MTMR10: variants seen among roughly 807,000 people sequenced by gnomAD.
MTMR10 encodes myotubularin-related protein 10.
In MTMR10, 56 loss-of-function variants were observed where a neutral mutation model predicts 88.1. The observed-to-expected ratio is 0.64, with a 90% confidence interval of 0.51 to 0.79. The LOEUF is 0.79. Ranked by LOEUF, MTMR10 falls within the 30% of genes least tolerant of loss-of-function variation. The pLI is 0.00. For synonymous variants in MTMR10, 380 were observed against 340.9 expected, an observed-to-expected ratio of 1.11 and a Z score of -1.26; for missense variants, 883 against 924.7, an observed-to-expected ratio of 0.95 and a Z score of 0.58.
intron 12 of MTMR10, chr15:30,950,426 T>G (rs1277409615): frequency 1.3e-5 from 2 of 152,012 alleles, no homozygotes; most frequent in Non-Finnish European, 2.9e-5. Context: ...TCCTAGCACT[T>G]TGGGAGGCTG....
the MTMR10 span, chr15:30,927,709 G>T: frequency 1.0e-6 from 1 of 985,622 alleles, no homozygotes; most frequent in East Asian, 1.1e-4. Flanking sequence ...GTGGTCTTGT[G>T]GGGAGAGGCA....
At chr15:30,977,533 A>C (rs1006744817) in intron 2 of MTMR10, among the ~76,000 whole-genome samples, 1 of 152,218 alleles carries the variant, frequency 6.6e-6, no homozygotes, top group Non-Finnish European at 1.5e-5. Context: ...AAATATAAGA[A>C]ACCAATATAA....
chr15:30,948,270 A>C lies in MTMR10; in HGVS notation c.1377+32T>G. The stretch of plus-strand genomic sequence containing the variant: ...CAAATTTTATTTTGTGTATCCTTAA[A>C]GACTGATAAAAAGGCATCAAGATTT... On this transcript the variant is annotated intron_variant, in intron 13 of 15. Coordinates refer to ENST00000435680, the MANE Select transcript of MTMR10 (RefSeq NM_017762.3). 2 of 1,586,310 alleles carry C rather than the reference A, an allele frequency of 1.3e-6. 1 individual carries two copies. Among genetic ancestry groups the C allele is most frequent in the South Asian group, 2.3e-5 (2 of 87,484 alleles).
chr15:30,920,924 C>T, the MTMR10 span, among the ~76,000 whole-genome samples: 1 of 152,206 alleles, frequency 6.6e-6, no homozygotes, highest in African/African-American at 2.4e-5. Flanking sequence ...GCTGGGACTA[C>T]AGGCGTGCGC....
At chr15:30,933,010 G>A in the MTMR10 span, among the ~76,000 whole-genome samples, 7 of 151,876 alleles carry the variant, frequency 4.6e-5, no homozygotes, top group South Asian at 2.1e-4. Flanking sequence ...GTGAGCCACC[G>A]CACACGGCCA....
At chr15:30,925,666 T>C in the MTMR10 span, 1 of 1,099,444 alleles carries the variant, frequency 9.1e-7, no homozygotes, top group Non-Finnish European at 1.3e-6. Flanking sequence ...AGCCCCACGC[T>C]GTGTGCTCTA....
At chr15:30,936,355 A>AG (rs1326482167), downstream of MTMR10, among the ~76,000 whole-genome samples, 1 of 152,182 alleles carries the variant, frequency 6.6e-6, no homozygotes, top group Admixed American at 6.5e-5. Context: ...AACAGCAAGT[A>AG]GCAAGTGGAA....
chr15:30,940,193 T>A lies in MTMR10; in HGVS notation c.*1277A>T, dbSNP rs751844089. The A allele has an allele frequency of 1.5e-5, 15 of 984,824 alleles. No individual in the cohort carries two copies. Among genetic ancestry groups the A allele is most frequent in the Non-Finnish European group, 1.8e-5 (15 of 829,800 alleles). 61.0% of individuals were successfully genotyped at this position (984,824 alleles called of 1,614,324 possible). ...CGGGGAATGAGGAGTGTGGGGGAGGTGGTGCCCCGTTTCACTGCTGTAAGA... is the reference window on the plus strand; with the variant it reads ...CGGGGAATGAGGAGTGTGGGGGAGGAGGTGCCCCGTTTCACTGCTGTAAGA... On this transcript the variant is annotated 3_prime_UTR_variant, in exon 16 of 16. Transcript: ENST00000435680.
At chr15:30,942,127 A>G in intron 15 of MTMR10, 55 bp from the exon 16 acceptor site, 1 of 1,543,790 alleles carries the variant, frequency 6.5e-7, no homozygotes, top group South Asian at 1.2e-5. Flanking sequence ...GAAAGATTGA[A>G]GGATGCAATG....
rs2063394251 is a variant in MTMR10, at chr15:30,961,000, G to A, written c.639C>T (p.Gly213=). 1 of 1,582,178 alleles carries A rather than the reference G, an allele frequency of 6.3e-7. No homozygotes were observed. Among genetic ancestry groups the A allele is most frequent in the Non-Finnish European group, 8.6e-7 (1 of 1,162,800 alleles). The change falls in exon 7 of 16, where the codon GGC becomes GGT. Residue 213 remains glycine, a synonymous_variant. Coordinates refer to ENST00000435680, the MANE Select transcript of MTMR10 (RefSeq NM_017762.3). ...GGGGGNGAGG[G]SSQKTPLFET... The stretch of plus-strand genomic sequence containing the variant: ...CAAAGAGTGGAGTTTTCTGGCTGCT[G>A]CCACCACCAGCTCCATTACCTCCTC...
chr15:30,933,559 G>T, the MTMR10 span, among the ~76,000 whole-genome samples: 13 of 152,176 alleles, frequency 8.5e-5, no homozygotes, highest in Admixed American at 8.5e-4. Flanking sequence ...ATTCCCTGGT[G>T]AATATTCTGT....
intron 5 of MTMR10, among the ~76,000 whole-genome samples, chr15:30,971,634 A>C (rs1192686458): frequency 6.6e-6 from 1 of 152,198 alleles, no homozygotes; most frequent in Non-Finnish European, 1.5e-5. Flanking sequence ...AAAGGCATGT[A>C]TTTCACTTGT....
At chr15:30,945,233 G>A (rs1433765799) in intron 14 of MTMR10, among the ~76,000 whole-genome samples, 1 of 152,138 alleles carries the variant, frequency 6.6e-6, no homozygotes, top group African/African-American at 2.4e-5. Context: ...CTGCTAGGGA[G>A]GAAGGGAGAG....
chr15:30,941,051 TC>T lies in MTMR10; in HGVS notation c.*418del. On this transcript the variant is annotated 3_prime_UTR_variant, in exon 16 of 16. Transcript: ENST00000435680. Reference sequence around the variant, plus strand: ...GTAACCAGAAAAATACATGAATACTTCCTAAAACCTGCTGGAGGTTTTATCA... The same window carrying T: ...GTAACCAGAAAAATACATGAATACTTCTAAAACCTGCTGGAGGTTTTATCA... 8.4e-7 allele frequency: 1 copy of T among 1,189,168 alleles called. No individual in the cohort carries two copies. The highest frequency in any genetic ancestry group is 1.1e-6 in the Non-Finnish European group (1 of 944,296). The allele number at this position is 1,189,168 out of a possible 1,614,324, so 73.7% of individuals were successfully genotyped here.
chr15:30,968,632 C>T (rs928036730), intron 5 of MTMR10, among the ~76,000 whole-genome samples: 4 of 151,480 alleles, frequency 2.6e-5, no homozygotes, highest in African/African-American at 9.7e-5. Context: ...GGAAAACGTG[C>T]GGGCTTTAGA....
intron 2 of MTMR10, among the ~76,000 whole-genome samples, chr15:30,981,413 G>A (rs1052768020): frequency 6.6e-6 from 1 of 152,118 alleles, no homozygotes; most frequent in African/African-American, 2.4e-5. Context: ...TTGATGTCTT[G>A]TGCCTGCTCA....
chr15:30,987,515 T>C (rs2031014584), intron 2 of MTMR10, among the ~76,000 whole-genome samples: 1 of 152,212 alleles, frequency 6.6e-6, no homozygotes, highest in Admixed American at 6.5e-5. Context: ...GTTCCAACAG[T>C]GCACATGGTG....
the MTMR10 span, among the ~76,000 whole-genome samples, chr15:30,924,890 T>C: frequency 6.6e-6 from 1 of 152,200 alleles, no homozygotes; most frequent in African/African-American, 2.4e-5. Context: ...ACTGTCCACC[T>C]GGATTACAGC....
chr15:30,948,612 C>A, intron 12 of MTMR10, 141 bp from the exon 13 acceptor site: 1 of 752,594 alleles, frequency 1.3e-6, no homozygotes, highest in Non-Finnish European at 2.1e-6. Flanking sequence ...TTACTGGATT[C>A]CAGCAACTCT....
Sources: gnomAD v4.1 joint callset for allele counts (sites outside exome capture counted in the v4.1 genomes callset) on GRCh38, gnomAD v4.1.1 for gene constraint, MANE v1.5 for transcripts, NCBI Gene and HGNC (gene_info 2026-07-23, HGNC 2026-07-21) for gene names.